PHLPP1: variants seen among roughly 807,000 people sequenced by gnomAD.
PHLPP1 encodes PH domain and leucine rich repeat protein phosphatase 1, also known as PH domain leucine-rich repeat-containing protein phosphatase 1.
PHLPP1 carries 42 observed loss-of-function variants against 117.2 expected under a neutral mutation model. The observed-to-expected ratio is 0.36, with a 90% CI of 0.28 to 0.46. The LOEUF (loss-of-function observed/expected upper bound fraction) is 0.46. Among genes scored for constraint, PHLPP1 ranks in the 20% least tolerant of loss-of-function variants. The pLI, the probability that PHLPP1 is intolerant of heterozygous loss-of-function variation, is 1.00. For synonymous variants in PHLPP1, 1,042 were observed against 970.7 expected (o/e 1.07, Z -1.37); for missense variants, 2,084 against 2,241.9 (o/e 0.93, Z 1.42).
At chr18:62,874,653 G>A (rs1479596259) in intron 4 of PHLPP1, among the ~76,000 whole-genome samples, 4 of 63,274 alleles carry the variant, frequency 6.3e-5, no homozygotes, top group Admixed American at 5.3e-4. Context: ...GCGCACGCAC[G>A]CGCGCACACA....
intron 12 of PHLPP1, 90 bp from the exon 13 acceptor site, chr18:62,958,539 C>G: frequency 7.9e-7 from 1 of 1,267,664 alleles, no homozygotes; most frequent in South Asian, 1.3e-5. Context: ...AATGGTCAGA[C>G]TGATTTGCAT....
At chr18:62,921,754 C>T (rs994366353) in intron 10 of PHLPP1, among the ~76,000 whole-genome samples, 1 of 152,068 alleles carries the variant, frequency 6.6e-6, no homozygotes, top group Non-Finnish European at 1.5e-5. Context: ...GTAAAAAAAT[C>T]TTACTACAAA....
chr18:62,735,983 GTATAGCTTTGC>G (rs1599018881), intron 1 of PHLPP1, among the ~76,000 whole-genome samples: 2 of 151,804 alleles, frequency 1.3e-5, no homozygotes, highest in East Asian at 3.9e-4. Context: ...AAAAAAAAGA[GTATAGCTTTGC>G]CAGGCTTCAC....
At chr18:62,836,877 C>CA (rs1340648412) in intron 2 of PHLPP1, among the ~76,000 whole-genome samples, 3 of 152,050 alleles carry the variant, frequency 2.0e-5, no homozygotes, top group African/African-American at 7.2e-5. Flanking sequence ...GAATCGCTTG[C>CA]AATCGGAAGG....
At chr18:62,762,874 C>T (rs1912301665) in intron 1 of PHLPP1, among the ~76,000 whole-genome samples, 1 of 152,092 alleles carries the variant, frequency 6.6e-6, no homozygotes, top group Non-Finnish European at 1.5e-5. Flanking sequence ...GTATATAATT[C>T]ATTTTAAAAT....
intron 4 of PHLPP1, among the ~76,000 whole-genome samples, chr18:62,890,441 T>C (rs949499011): frequency 6.6e-6 from 1 of 152,028 alleles, no homozygotes; most frequent in Non-Finnish European, 1.5e-5. Context: ...AATTTTTATA[T>C]TTTTAGTAGA....
intron 1 of PHLPP1, among the ~76,000 whole-genome samples, chr18:62,745,979 C>T (rs1383503169): frequency 1.3e-5 from 2 of 152,126 alleles, no homozygotes; most frequent in Non-Finnish European, 2.9e-5. Flanking sequence ...TTCTGGGCTC[C>T]CAAGGGGAAT....
chr18:62,965,376 A>G (rs1461058346), intron 14 of PHLPP1, among the ~76,000 whole-genome samples: 3 of 148,878 alleles, frequency 2.0e-5, no homozygotes, highest in Admixed American at 1.3e-4. Context: ...TCTGAGGTGT[A>G]GTATTGCCTT....
chr18:62,820,908 A>T (rs1255627972), intron 1 of PHLPP1, among the ~76,000 whole-genome samples: 1 of 152,238 alleles, frequency 6.6e-6, no homozygotes, highest in African/African-American at 2.4e-5. Context: ...CCTACAAAGA[A>T]CATTCTCTGA....
intron 4 of PHLPP1, among the ~76,000 whole-genome samples, chr18:62,892,082 C>CTTTTTTTT (rs200141250): frequency 6.4e-4 from 69 of 107,936 alleles, no homozygotes; most frequent in East Asian, 8.1e-4. Flanking sequence ...TTCTTTCTTT[C>CTTTTTTTT]TTTTTTTTTT....
At chr18:62,915,224 C>G (rs527891769) in intron 9 of PHLPP1, among the ~76,000 whole-genome samples, 1 of 152,314 alleles carries the variant, frequency 6.6e-6, no homozygotes, top group East Asian at 1.9e-4. Context: ...CCAGACTTTT[C>G]AAAACCATGC....
intron 14 of PHLPP1, among the ~76,000 whole-genome samples, chr18:62,965,321 G>A (rs1910870763): frequency 2.0e-5 from 3 of 151,976 alleles, no homozygotes; most frequent in Non-Finnish European, 2.9e-5. Flanking sequence ...TCCTCTCTCC[G>A]AATCTCAATA....
At chr18:62,864,435 G>A (rs567606588) in intron 4 of PHLPP1, among the ~76,000 whole-genome samples, 1 of 152,314 alleles carries the variant, frequency 6.6e-6, no homozygotes, top group South Asian at 2.1e-4. Context: ...ACCTAACTAT[G>A]AGGGCCTCTT....
At chr18:62,882,294 T>C (rs1376670631) in intron 4 of PHLPP1, among the ~76,000 whole-genome samples, 1 of 150,600 alleles carries the variant, frequency 6.6e-6, no homozygotes, top group Non-Finnish European at 1.5e-5. Context: ...TTTGAGATGG[T>C]GTCTTGCTCT....
At chr18:62,814,102 A>G (rs1203518912) in intron 1 of PHLPP1, among the ~76,000 whole-genome samples, 1 of 152,224 alleles carries the variant, frequency 6.6e-6, no homozygotes, top group Non-Finnish European at 1.5e-5. Context: ...AGAGATTATC[A>G]AAAGGTTCAG....
At chr18:62,786,601 A>C (rs1913292948) in intron 1 of PHLPP1, among the ~76,000 whole-genome samples, 1 of 152,226 alleles carries the variant, frequency 6.6e-6, no homozygotes, top group South Asian at 2.1e-4. Context: ...ATCAATATTA[A>C]GGAGAAAAAG....
At chr18:62,844,153 C>T (rs868408957) in intron 3 of PHLPP1, among the ~76,000 whole-genome samples, 4 of 152,128 alleles carry the variant, frequency 2.6e-5, no homozygotes, top group African/African-American at 9.6e-5. Context: ...TCAAGACCAG[C>T]CTGGCCAACA....
At chr18:62,956,881 T>C (rs1038390806) in intron 12 of PHLPP1, among the ~76,000 whole-genome samples, 2 of 152,124 alleles carry the variant, frequency 1.3e-5, no homozygotes, top group African/African-American at 2.4e-5. Context: ...AAAATACAGG[T>C]TTTCATTTTA....
At chr18:62,813,579 A>G (rs193043211) in intron 1 of PHLPP1, among the ~76,000 whole-genome samples, 1 of 152,332 alleles carries the variant, frequency 6.6e-6, no homozygotes, top group East Asian at 1.9e-4. Flanking sequence ...ATGATCCACC[A>G]GGTCAAGTTG....
Sources: gnomAD v4.1 joint callset for allele counts (sites outside exome capture counted in the v4.1 genomes callset) on GRCh38, gnomAD v4.1.1 for gene constraint, MANE v1.5 for transcripts, NCBI Gene and HGNC (gene_info 2026-07-23, HGNC 2026-07-21) for gene names.